Variants in LRBA observed in about 807,000 individuals in gnomAD.
The protein encoded by LRBA is lipopolysaccharide-responsive and beige-like anchor protein.
A neutral mutation model predicts 330.0 loss-of-function variants in LRBA; 176 were observed. That is an observed-to-expected ratio of 0.53 (90% CI 0.47 to 0.60). The LOEUF (loss-of-function observed/expected upper bound fraction) is 0.60. LRBA is among the 20% of genes least tolerant of loss of function. LRBA has a pLI of 0.00. For synonymous variants in LRBA, 1,230 were observed against 1,193.0 expected (o/e 1.03, Z -0.64); for missense variants, 3,259 against 3,444.8 (o/e 0.95, Z 1.35).
chr4:150,596,018 A>T (rs1188744325), intron 38 of LRBA, among the ~76,000 whole-genome samples: 1 of 151,974 alleles, frequency 6.6e-6, no homozygotes, highest in Non-Finnish European at 1.5e-5. Flanking sequence ...ACTTAATCAT[A>T]AGAGGAAGTA....
intron 37 of LRBA, among the ~76,000 whole-genome samples, chr4:150,618,852 A>C (rs964757819): frequency 7.6e-4 from 8 of 10,512 alleles, no homozygotes; most frequent in African/African-American, 1.0e-3. Flanking sequence ...GTGTATGTAT[A>C]TATATATATA....
At chr4:150,293,117 A>G (rs1728538846) in intron 53 of LRBA, among the ~76,000 whole-genome samples, 1 of 152,184 alleles carries the variant, frequency 6.6e-6, no homozygotes, top group African/African-American at 2.4e-5. Flanking sequence ...AAAATATATT[A>G]TACAATATAT....
intron 37 of LRBA, among the ~76,000 whole-genome samples, chr4:150,608,323 AC>A (rs1774880152): frequency 6.6e-6 from 1 of 152,310 alleles, no homozygotes; most frequent in African/African-American, 2.4e-5. Context: ...ATTTTGCTAG[AC>A]CCAGAGAAGA....
intron 34 of LRBA, among the ~76,000 whole-genome samples, chr4:150,763,865 T>G (rs750215910): frequency 3.3e-5 from 5 of 151,894 alleles, no homozygotes; most frequent in Non-Finnish European, 7.4e-5. Flanking sequence ...TTTAAGAAGA[T>G]GAAGAGAACA....
At chr4:150,492,660 A>G (rs571829190) in intron 40 of LRBA, among the ~76,000 whole-genome samples, 3 of 152,308 alleles carry the variant, frequency 2.0e-5, no homozygotes, top group Admixed American at 2.0e-4. Context: ...TCCTATATTT[A>G]ATAGTATCCA....
rs1306913789 is a variant in LRBA at position 150,962,354 on chromosome 4, C to CA, written c.217-33290dup. Among the ~76,000 whole-genome samples, 3 of 148,714 alleles carry CA rather than the reference C, an allele frequency of 2.0e-5. No homozygotes were observed. The South Asian group carries it at 6.2e-4, about 31-fold the overall frequency. On this transcript the variant is annotated intron_variant, in intron 2 of 56. Coordinates refer to ENST00000651943, the MANE Select transcript of LRBA (RefSeq NM_001364905.1). ...GTAACATGGGGAAACCCCATTTCTACAAAAAAATGCAAAATTAGCTGGGCA... is the reference window on the plus strand; with the variant it reads ...GTAACATGGGGAAACCCCATTTCTACAAAAAAAATGCAAAATTAGCTGGGCA...
intron 40 of LRBA, among the ~76,000 whole-genome samples, chr4:150,538,748 C>A (rs1764966212): frequency 6.6e-6 from 1 of 151,574 alleles, no homozygotes; most frequent in Non-Finnish European, 1.5e-5. Flanking sequence ...ATTGCTTGAG[C>A]CCAGGCTCAG....
chr4:150,735,213 T>C, intron 36 of LRBA, 45 bp downstream of exon 36: 1 of 1,355,898 alleles, frequency 7.4e-7, no homozygotes, highest in Non-Finnish European at 1.1e-6. Flanking sequence ...ATGATTATCA[T>C]TAAAAAACGG....
chr4:150,429,535 T>G (rs1183964655), intron 46 of LRBA, among the ~76,000 whole-genome samples: 1 of 152,064 alleles, frequency 6.6e-6, no homozygotes, highest in Non-Finnish European at 1.5e-5. Flanking sequence ...TTTGAAGAAA[T>G]GAAGATCAGG....
intron 44 of LRBA, among the ~76,000 whole-genome samples, chr4:150,449,608 A>G (rs142950092): frequency 1.9e-4 from 29 of 152,176 alleles, no homozygotes; most frequent in African/African-American, 7.0e-4. Context: ...TAGAGCAAGA[A>G]CAGTGAGAAA....
Position 150,905,963 on chromosome 4 carries a change from C to A in LRBA, c.1630G>T (p.Val544Leu), listed in dbSNP as rs745855343. The A allele has an allele frequency of 6.2e-7, 1 of 1,613,648 alleles. No individual in the cohort carries two copies. Among genetic ancestry groups the A allele is most frequent in the Non-Finnish European group, 8.5e-7 (1 of 1,179,716 alleles). Residue 544 changes from valine to leucine, a missense_variant, in exon 13 of 57, where the codon GTA becomes TTA. Coordinates refer to ENST00000651943, the MANE Select transcript of LRBA (RefSeq NM_001364905.1). Reference sequence around the variant, plus strand: ...GAAAATGCAAGGCAAAGTTCAAGTACTGCTCTGCTAACATGAGATTTGGAA... The same window carrying A: ...GAAAATGCAAGGCAAAGTTCAAGTAATGCTCTGCTAACATGAGATTTGGAA... ...KSSKSHVSRA[V>L]LELCLAFSKY... is the part of the protein sequence containing the mutation.
intron 40 of LRBA, among the ~76,000 whole-genome samples, chr4:150,575,457 T>C (rs978662661): frequency 1.1e-4 from 16 of 151,904 alleles, no homozygotes; most frequent in Admixed American, 1.0e-3. Context: ...ATTACTACTA[T>C]TCATAATAAT....
chr4:150,448,472 C>G (rs954506902), intron 44 of LRBA, among the ~76,000 whole-genome samples: 1 of 151,998 alleles, frequency 6.6e-6, no homozygotes, highest in Non-Finnish European at 1.5e-5. Flanking sequence ...ATAATTTTGG[C>G]AAAGCATGGG....
intron 44 of LRBA, among the ~76,000 whole-genome samples, chr4:150,461,836 A>C (rs1412734166): frequency 6.6e-6 from 1 of 151,712 alleles, no homozygotes. Flanking sequence ...AAATAACTAC[A>C]CTGGTCAACT....
At chr4:150,629,139 C>G (rs974431244) in intron 37 of LRBA, among the ~76,000 whole-genome samples, 4 of 152,146 alleles carry the variant, frequency 2.6e-5, no homozygotes, top group African/African-American at 9.7e-5. Flanking sequence ...TGGTCTCAAG[C>G]AATCCTCCTG....
chr4:150,861,416 A>G lies in LRBA; in HGVS notation c.2766+6255T>C, dbSNP rs569026090. Among the ~76,000 whole-genome samples the G allele has an allele frequency of 8.5e-5, 13 of 152,242 alleles. No individual in the cohort carries two copies. In the East Asian group the frequency reaches 2.1e-3, roughly 25 times the overall value. On this transcript the variant is annotated intron_variant, in intron 22 of 56. Coordinates refer to ENST00000651943, the MANE Select transcript of LRBA (RefSeq NM_001364905.1). ...GCTGGGATTAGAGGTGTGAGCCACC[A>G]TTCCCAGCCCTTATATTGTGTGTAC...
intron 44 of LRBA, among the ~76,000 whole-genome samples, chr4:150,456,083 T>G (rs1482740214): frequency 1.3e-5 from 2 of 152,176 alleles, no homozygotes; most frequent in Admixed American, 1.3e-4. Flanking sequence ...TGATGGATAC[T>G]TAGGTTGCTT....
chr4:150,862,296 T>C (rs901846669), intron 22 of LRBA, among the ~76,000 whole-genome samples: 4 of 152,152 alleles, frequency 2.6e-5, no homozygotes, highest in Non-Finnish European at 5.9e-5. Flanking sequence ...CCAACAATGA[T>C]AGACTGGATT....
intron 2 of LRBA, among the ~76,000 whole-genome samples, chr4:150,992,113 C>T (rs1245617844): frequency 9.2e-5 from 14 of 152,050 alleles, no homozygotes; most frequent in African/African-American, 3.1e-4. Flanking sequence ...GTCAGGAGTT[C>T]GAGACCAGCC....
Sources: gnomAD v4.1 joint callset for allele counts (sites outside exome capture counted in the v4.1 genomes callset) on GRCh38, gnomAD v4.1.1 for gene constraint, MANE v1.5 for transcripts, NCBI Gene and HGNC (gene_info 2026-07-23, HGNC 2026-07-21) for gene names.